Variants in GSG1L observed in about 807,000 individuals in gnomAD.
GSG1L encodes the protein GSG1 like.
In GSG1L, 24 loss-of-function variants were observed where a neutral mutation model predicts 42.1. The observed-to-expected ratio is 0.57, with a 90% CI of 0.41 to 0.80. GSG1L has a LOEUF of 0.80. Ranked by LOEUF, GSG1L falls within the 30% of genes least tolerant of loss-of-function variation. GSG1L has a pLI of 0.00. For missense variants in GSG1L, 445 were observed against 472.2 expected (o/e 0.94, Z 0.53); for synonymous variants, 215 against 203.5 (o/e 1.06, Z -0.48).
chr16:28,010,039 G>C (rs967782864), intron 1 of GSG1L, among the ~76,000 whole-genome samples: 1 of 152,096 alleles, frequency 6.6e-6, no homozygotes, highest in African/African-American at 2.4e-5. Flanking sequence ...GTTGTATATC[G>C]GCGCCAACAG....
At chr16:28,002,888 G>A (rs893260687) in intron 1 of GSG1L, among the ~76,000 whole-genome samples, 9 of 152,036 alleles carry the variant, frequency 5.9e-5, no homozygotes, top group Non-Finnish European at 1.2e-4. Context: ...AGTGAGCCCA[G>A]ATGCACCACT....
At chr16:27,860,296 C>T (rs8058085) in intron 3 of GSG1L, among the ~76,000 whole-genome samples, 2 of 152,318 alleles carry the variant, frequency 1.3e-5, no homozygotes, top group East Asian at 1.9e-4. Flanking sequence ...GCCCTGCCCT[C>T]GTCCTGAATC....
chr16:27,908,172 CAGGCT>C lies in GSG1L; in HGVS notation c.398-23539_398-23535del, dbSNP rs1222261973. On this transcript the variant is annotated intron_variant, in intron 2 of 6. Transcript: ENST00000447459. ...CCTCTTGCTTGCACCTGTTGTCACCCAGGCTAGCCTGCTGGAGGATGAAGGACCCA... is the reference window on the plus strand; with the variant it reads ...CCTCTTGCTTGCACCTGTTGTCACCCAGCCTGCTGGAGGATGAAGGACCCA... Among the ~76,000 whole-genome samples the C allele has an allele frequency of 3.3e-5, 5 of 152,370 alleles. No homozygotes were observed. The East Asian group carries it at 5.8e-4, about 18-fold the overall frequency.
chr16:27,866,355 A>G (rs775159934), intron 3 of GSG1L, among the ~76,000 whole-genome samples: 5 of 152,320 alleles, frequency 3.3e-5, no homozygotes, highest in African/African-American at 7.2e-5. Flanking sequence ...CCATGTATCA[A>G]TCACTGTGCT....
At chr16:27,917,770 T>A (rs1312445926) in intron 2 of GSG1L, among the ~76,000 whole-genome samples, 1 of 152,206 alleles carries the variant, frequency 6.6e-6, no homozygotes, top group Non-Finnish European at 1.5e-5. Flanking sequence ...ACGACAGGCA[T>A]AAACAGAAGA....
intron 5 of GSG1L, among the ~76,000 whole-genome samples, chr16:27,820,074 A>G (rs1480146603): frequency 1.3e-5 from 2 of 152,196 alleles, no homozygotes; most frequent in Non-Finnish European, 2.9e-5. Flanking sequence ...AGCTTGCACA[A>G]GCAGAGCCAC....
At chr16:27,942,386 G>GGTCTGTTGGCTGT (rs2084810639) in intron 2 of GSG1L, among the ~76,000 whole-genome samples, 2 of 150,444 alleles carry the variant, frequency 1.3e-5, no homozygotes, top group African/African-American at 4.9e-5. Context: ...CTGACCTCAG[G>GGTCTGTTGGCTGT]TGATCCACTT....
intron 1 of GSG1L, among the ~76,000 whole-genome samples, chr16:27,985,168 C>T (rs571740294): frequency 6.6e-6 from 1 of 152,192 alleles, no homozygotes; most frequent in East Asian, 1.9e-4. Flanking sequence ...CTTCCTGTGC[C>T]CCTGAGACCC....
rs551935026 is a variant in GSG1L, at chr16:27,990,999, G to A, written c.350-27796C>T. 2.4e-4 allele frequency among the ~76,000 whole-genome samples: 36 copies of A among 152,292 alleles called. No homozygotes were observed. In the Middle Eastern group the frequency reaches 0.01, roughly 43 times the overall value. On this transcript the variant is annotated intron_variant, in intron 1 of 6. Coordinates refer to ENST00000447459, the MANE Select transcript of GSG1L (RefSeq NM_001109763.2). Reference sequence around the variant, plus strand: ...TTAAAAAGAGTCTATGTGGTCAATCGCTAGTCTTGCTCCACCTTATGCAAA... The same window carrying A: ...TTAAAAAGAGTCTATGTGGTCAATCACTAGTCTTGCTCCACCTTATGCAAA...
intron 2 of GSG1L, among the ~76,000 whole-genome samples, chr16:27,936,388 G>A (rs1258615231): frequency 1.3e-5 from 2 of 152,128 alleles, no homozygotes; most frequent in Non-Finnish European, 2.9e-5. Context: ...GTGGGACGAG[G>A]GTGGAAGTGA....
intron 1 of GSG1L, among the ~76,000 whole-genome samples, chr16:28,019,909 C>T (rs541995046): frequency 6.6e-6 from 1 of 152,334 alleles, no homozygotes; most frequent in Non-Finnish European, 1.5e-5. Context: ...CAGGGGTCAG[C>T]TGCTGCTCTA....
chr16:27,895,331 C>T (rs931505491), intron 2 of GSG1L, among the ~76,000 whole-genome samples: 2 of 152,178 alleles, frequency 1.3e-5, no homozygotes, highest in Non-Finnish European at 2.9e-5. Context: ...ACAGGGGACA[C>T]GGATCCCACC....
chr16:28,009,398 G>A (rs1017416245), intron 1 of GSG1L, among the ~76,000 whole-genome samples: 1 of 151,740 alleles, frequency 6.6e-6, no homozygotes, highest in Non-Finnish European at 1.5e-5. Context: ...CCCAGACCCT[G>A]ATGGATTTGT....
At chr16:28,055,534 C>T (rs771496421) in intron 1 of GSG1L, among the ~76,000 whole-genome samples, 9 of 151,876 alleles carry the variant, frequency 5.9e-5, no homozygotes, top group Non-Finnish European at 1.3e-4. Flanking sequence ...TGCAGTGGCA[C>T]GATCTCAGCT....
chr16:27,855,112 C>T (rs751744012), intron 3 of GSG1L, among the ~76,000 whole-genome samples: 3 of 152,120 alleles, frequency 2.0e-5, no homozygotes, highest in African/African-American at 7.2e-5. Context: ...CCAGGGTGCT[C>T]GACCGTGATG....
In GSG1L at chr16:27,958,475, G is replaced by A. The variant is rs575046280; in HGVS notation, c.397+4681C>T. ...TCATGCGATAGAATATCCTACACCTGTTTCAAGATAAGGACAAGTTCTATG... is the reference window on the plus strand; with the variant it reads ...TCATGCGATAGAATATCCTACACCTATTTCAAGATAAGGACAAGTTCTATG... On this transcript the variant is annotated intron_variant, in intron 2 of 6. Transcript: ENST00000447459. Among the ~76,000 whole-genome samples, 293 of 151,110 alleles carry A rather than the reference G, an allele frequency of 1.9e-3. 1 individual carries two copies. The highest frequency in any genetic ancestry group is 5.0e-3 in the South Asian group (24 of 4,770).
chr16:27,984,758 C>CT (rs916677009), intron 1 of GSG1L, among the ~76,000 whole-genome samples: 2 of 151,148 alleles, frequency 1.3e-5, no homozygotes, highest in African/African-American at 2.4e-5. Context: ...TTTTTCCTTT[C>CT]TTTTTTTTCT....
chr16:28,029,624 G>T (rs1054542320), intron 1 of GSG1L, among the ~76,000 whole-genome samples: 1 of 151,136 alleles, frequency 6.6e-6, no homozygotes, highest in Non-Finnish European at 1.5e-5. Context: ...TGAATGGATG[G>T]GTGGGTGGAT....
At chr16:28,001,560 C>T (rs991939715) in intron 1 of GSG1L, among the ~76,000 whole-genome samples, 4 of 152,200 alleles carry the variant, frequency 2.6e-5, no homozygotes, top group Non-Finnish European at 4.4e-5. Flanking sequence ...TTCACCCACA[C>T]GTGAAATCGT....
Sources: gnomAD v4.1 joint callset for allele counts (sites outside exome capture counted in the v4.1 genomes callset) on GRCh38, gnomAD v4.1.1 for gene constraint, MANE v1.5 for transcripts, NCBI Gene and HGNC (gene_info 2026-07-23, HGNC 2026-07-21) for gene names.